The following NLGN1 variants were observed in gnomAD, a reference collection of about 807,000 sequenced individuals.
The protein encoded by NLGN1 is neuroligin-1.
A neutral mutation model predicts 65.5 loss-of-function variants in NLGN1; 12 were observed. The ratio of observed to expected loss-of-function variants is 0.18; its 90% CI spans 0.12 to 0.30. The LOEUF is 0.30. Ranked by LOEUF, NLGN1 falls within the 10% of genes least tolerant of loss-of-function variation. The pLI, the probability that NLGN1 is intolerant of heterozygous loss-of-function variation, is 1.00. For missense variants in NLGN1, 750 were observed against 1,007.1 expected (o/e 0.74, Z 3.46); for synonymous variants, 350 against 359.5 (o/e 0.97, Z 0.30).
chr3:173,487,497 T>A (rs1560323624), intron 2 of NLGN1, among the ~76,000 whole-genome samples: 1 of 152,002 alleles, frequency 6.6e-6, no homozygotes, highest in Non-Finnish European at 1.5e-5. Context: ...TCTTTTTTTC[T>A]AAATCTTCCA....
At chr3:173,676,835 T>C (rs1763239033) in intron 3 of NLGN1, among the ~76,000 whole-genome samples, 1 of 152,148 alleles carries the variant, frequency 6.6e-6, no homozygotes, top group African/African-American at 2.4e-5. Flanking sequence ...CATTGAGTCC[T>C]TGGACTGTAG....
chr3:173,420,526 C>T (rs1300241523), intron 1 of NLGN1, among the ~76,000 whole-genome samples: 7 of 152,008 alleles, frequency 4.6e-5, no homozygotes, highest in Non-Finnish European at 7.4e-5. Context: ...TGAATAGTGC[C>T]GCAATAAACA....
At chr3:173,788,206 C>CAAAAAAAAAA (rs537790655) in intron 3 of NLGN1, among the ~76,000 whole-genome samples, 2 of 60,840 alleles carry the variant, frequency 3.3e-5, no homozygotes, top group African/African-American at 1.1e-4. Context: ...TGACATTTTG[C>CAAAAAAAAAA]AAAAAAAAAA....
intron 2 of NLGN1, among the ~76,000 whole-genome samples, chr3:173,472,602 C>T (rs1725489731): frequency 6.6e-6 from 1 of 151,792 alleles, no homozygotes; most frequent in Non-Finnish European, 1.5e-5. Flanking sequence ...TTAATATCAC[C>T]AACCCCCTTG....
chr3:173,657,803 T>C (rs1284446083), intron 3 of NLGN1, among the ~76,000 whole-genome samples: 2 of 151,886 alleles, frequency 1.3e-5, no homozygotes, highest in East Asian at 3.9e-4. Flanking sequence ...CCAAAATTAA[T>C]GGATATTAAT....
intron 4 of NLGN1, among the ~76,000 whole-genome samples, chr3:174,107,673 A>G (rs1714244399): frequency 6.6e-6 from 1 of 152,166 alleles, no homozygotes; most frequent in South Asian, 2.1e-4. Flanking sequence ...TTGCTGGGTT[A>G]TACAATAGTT....
intron 4 of NLGN1, among the ~76,000 whole-genome samples, chr3:174,166,823 T>A (rs898720788): frequency 2.6e-5 from 4 of 152,104 alleles, no homozygotes; most frequent in Non-Finnish European, 5.9e-5. Flanking sequence ...TTAAGTTATT[T>A]TGTAGGTCTA....
At chr3:174,078,630 TC>T (rs1560990042) in intron 4 of NLGN1, among the ~76,000 whole-genome samples, 1 of 152,144 alleles carries the variant, frequency 6.6e-6, no homozygotes, top group Non-Finnish European at 1.5e-5. Context: ...TGATGCTACT[TC>T]CTACCTATGT....
chr3:173,752,397 CTGATCT>C (rs1260169103), intron 3 of NLGN1, among the ~76,000 whole-genome samples: 2 of 152,012 alleles, frequency 1.3e-5, no homozygotes, highest in Non-Finnish European at 2.9e-5. Context: ...AGATCCCTCC[CTGATCT>C]TGCTGTCAAG....
intron 2 of NLGN1, among the ~76,000 whole-genome samples, chr3:173,549,739 C>T (rs1000856470): frequency 2.0e-5 from 3 of 151,904 alleles, no homozygotes; most frequent in Admixed American, 2.0e-4. Flanking sequence ...TATTTCTGAA[C>T]CAAATTTAGA....
chr3:173,899,390 A>G (rs569815071), intron 4 of NLGN1, among the ~76,000 whole-genome samples: 1 of 152,094 alleles, frequency 6.6e-6, no homozygotes, highest in African/African-American at 2.4e-5. Flanking sequence ...AGCGTAGAAC[A>G]TTTTTTAATG....
chr3:173,876,921 G>C (rs984006368), intron 4 of NLGN1, among the ~76,000 whole-genome samples: 3 of 152,062 alleles, frequency 2.0e-5, no homozygotes, highest in African/African-American at 4.8e-5. Flanking sequence ...AATACAGAAA[G>C]AATGAGGGAA....
At chr3:173,491,842 C>A (rs1355066282) in intron 2 of NLGN1, among the ~76,000 whole-genome samples, 1 of 151,704 alleles carries the variant, frequency 6.6e-6, no homozygotes, top group East Asian at 1.9e-4. Context: ...CATGCTGAAG[C>A]CAGTTTTAGG....
At chr3:174,267,562 G>T (rs1464293127) in intron 4 of NLGN1, among the ~76,000 whole-genome samples, 3 of 152,106 alleles carry the variant, frequency 2.0e-5, no homozygotes, top group Non-Finnish European at 4.4e-5. Flanking sequence ...TTCTGGGATA[G>T]CCTACTGGGC....
At chr3:173,681,342 T>C (rs1285351958) in intron 3 of NLGN1, among the ~76,000 whole-genome samples, 1 of 152,236 alleles carries the variant, frequency 6.6e-6, no homozygotes, top group Non-Finnish European at 1.5e-5. Flanking sequence ...TAATTGACTG[T>C]TAGCTGTTCT....
At chr3:173,516,229 A>G (rs866833287) in intron 2 of NLGN1, among the ~76,000 whole-genome samples, 8 of 152,222 alleles carry the variant, frequency 5.3e-5, no homozygotes, top group African/African-American at 1.9e-4. Context: ...TACAAGGGTA[A>G]GAGTTTGGAT....
At chr3:174,115,982 G>T (rs538881464) in intron 4 of NLGN1, among the ~76,000 whole-genome samples, 4 of 152,210 alleles carry the variant, frequency 2.6e-5, no homozygotes, top group African/African-American at 9.6e-5. Flanking sequence ...AGTGAATTGT[G>T]CATATGCCTT....
chr3:174,030,239 C>T (rs1729709999), intron 4 of NLGN1, among the ~76,000 whole-genome samples: 1 of 151,670 alleles, frequency 6.6e-6, no homozygotes, highest in Non-Finnish European at 1.5e-5. Flanking sequence ...GATCCTCCTG[C>T]CTCAGCCTCC....
intron 4 of NLGN1, among the ~76,000 whole-genome samples, chr3:174,135,829 G>A (rs1291888054): frequency 6.6e-6 from 1 of 152,050 alleles, no homozygotes; most frequent in East Asian, 1.9e-4. Context: ...TTTTAAGCTA[G>A]TACTTTTAGG....
Sources: gnomAD v4.1 joint callset for allele counts (sites outside exome capture counted in the v4.1 genomes callset) on GRCh38, gnomAD v4.1.1 for gene constraint, MANE v1.5 for transcripts, NCBI Gene and HGNC (gene_info 2026-07-23, HGNC 2026-07-21) for gene names.